DLG2: variants seen among roughly 807,000 people sequenced by gnomAD.
DLG2 encodes disks large homolog 2.
DLG2 carries 45 observed loss-of-function variants against 132.5 expected under a neutral mutation model. The ratio of observed to expected loss-of-function variants is 0.34; its 90% CI spans 0.27 to 0.44. The LOEUF is 0.44. Ranked by LOEUF, DLG2 falls within the 20% of genes least tolerant of loss-of-function variation. DLG2 has a pLI of 1.00. For missense variants in DLG2, 1,045 were observed against 1,196.9 expected (o/e 0.87, Z 1.87); for synonymous variants, 424 against 419.6 (o/e 1.01, Z -0.13).
chr11:83,856,903 C>T (rs978611617), intron 16 of DLG2, among the ~76,000 whole-genome samples: 1 of 152,038 alleles, frequency 6.6e-6, no homozygotes, highest in South Asian at 2.1e-4. Context: ...TTTGCCTGTG[C>T]CTATATTCTG....
At chr11:85,464,173 T>C (rs1203212520) in intron 3 of DLG2, among the ~76,000 whole-genome samples, 1 of 152,178 alleles carries the variant, frequency 6.6e-6, no homozygotes, top group South Asian at 2.1e-4. Flanking sequence ...TGGTGCAGAA[T>C]CTTGTACTTA....
At chr11:84,855,709 C>G (rs747139829) in intron 6 of DLG2, among the ~76,000 whole-genome samples, 4 of 152,010 alleles carry the variant, frequency 2.6e-5, no homozygotes, top group Non-Finnish European at 5.9e-5. Flanking sequence ...ATTACTGTAG[C>G]TTCATTAATA....
At chr11:84,267,783 C>T (rs2097662004) in intron 7 of DLG2, among the ~76,000 whole-genome samples, 3 of 152,268 alleles carry the variant, frequency 2.0e-5, no homozygotes, top group Non-Finnish European at 1.5e-5. Flanking sequence ...TACATTTCTG[C>T]ACAAACGTTC....
At chr11:83,721,125 GA>G (rs1196973718) in intron 18 of DLG2, 2 of 152,180 alleles carry the variant, frequency 1.3e-5, no homozygotes, top group South Asian at 4.2e-4. Flanking sequence ...AGCTATTTTG[GA>G]CATCTTATAC....
At chr11:85,063,853 G>A (rs763778591) in intron 6 of DLG2, among the ~76,000 whole-genome samples, 24 of 151,758 alleles carry the variant, frequency 1.6e-4, no homozygotes, top group Non-Finnish European at 2.9e-4. Flanking sequence ...ACAAAAATTT[G>A]ACATTTATTA....
chr11:84,793,274 T>A lies in DLG2; in HGVS notation c.358-258543A>T, dbSNP rs528848284. Among the ~76,000 whole-genome samples, 4 of 152,344 alleles carry A rather than the reference T, an allele frequency of 2.6e-5. No individual in the cohort carries two copies. The South Asian group carries it at 8.3e-4, about 32-fold the overall frequency. On this transcript the variant is annotated intron_variant, in intron 6 of 27. Transcript: ENST00000376104. ...TTTCATTGTAATCAGAGAAGATGAATACTATTATTTCAATTTTTTAAATGT... is the reference window on the plus strand; with the variant it reads ...TTTCATTGTAATCAGAGAAGATGAAAACTATTATTTCAATTTTTTAAATGT...
intron 1 of DLG2, among the ~76,000 whole-genome samples, chr11:85,627,000 G>T (rs1003641345): frequency 2.6e-4 from 39 of 152,106 alleles, no homozygotes; most frequent in African/African-American, 8.0e-4. Context: ...ACCAAATTTA[G>T]ACAGGTCTCA....
chr11:84,239,819 A>C (rs890396996), intron 8 of DLG2, among the ~76,000 whole-genome samples: 1 of 152,214 alleles, frequency 6.6e-6, no homozygotes, highest in African/African-American at 2.4e-5. Context: ...GAAATGATGA[A>C]AAACTATAAA....
chr11:85,570,265 A>C (rs2077771909), intron 3 of DLG2, among the ~76,000 whole-genome samples: 1 of 152,158 alleles, frequency 6.6e-6, no homozygotes, highest in African/African-American at 2.4e-5. Flanking sequence ...CAACATTTGG[A>C]AGATCTGAAA....
intron 25 of DLG2, among the ~76,000 whole-genome samples, chr11:83,468,017 T>TA (rs2091451556): frequency 6.6e-6 from 1 of 151,884 alleles, no homozygotes; most frequent in African/African-American, 2.4e-5. Context: ...AGCTGCTTTA[T>TA]AAAGCATTTC....
intron 3 of DLG2, among the ~76,000 whole-genome samples, chr11:85,593,728 G>A (rs531036204): frequency 7.1e-4 from 108 of 152,138 alleles, no homozygotes; most frequent in African/African-American, 2.3e-3. Context: ...CAAAATAGCC[G>A]TGATATATTC....
At chr11:83,865,689 T>C (rs1370605806) in intron 16 of DLG2, among the ~76,000 whole-genome samples, 1 of 151,906 alleles carries the variant, frequency 6.6e-6, no homozygotes, top group Non-Finnish European at 1.5e-5. Flanking sequence ...AACAAACACA[T>C]AAACATAAAA....
intron 6 of DLG2, among the ~76,000 whole-genome samples, chr11:84,588,480 C>A (rs2099535008): frequency 6.6e-6 from 1 of 152,066 alleles, no homozygotes; most frequent in South Asian, 2.1e-4. Flanking sequence ...TATGATTTAT[C>A]CCTTGTCTCT....
chr11:85,062,969 T>C (rs755918755), intron 6 of DLG2, among the ~76,000 whole-genome samples: 4 of 151,780 alleles, frequency 2.6e-5, no homozygotes, highest in Non-Finnish European at 5.9e-5. Context: ...CATCCTGAAA[T>C]GCATGTACAT....
chr11:85,032,861 A>G (rs565346433), intron 6 of DLG2, among the ~76,000 whole-genome samples: 1 of 152,318 alleles, frequency 6.6e-6, no homozygotes, highest in South Asian at 2.1e-4. Context: ...TCAGAGAGCA[A>G]TGGTAGAGAT....
chr11:85,387,815 G>A (rs2086470872), intron 3 of DLG2, among the ~76,000 whole-genome samples: 1 of 152,148 alleles, frequency 6.6e-6, no homozygotes, highest in Admixed American at 6.5e-5. Context: ...GGAAAAAATG[G>A]CAGACAGGAA....
intron 18 of DLG2, among the ~76,000 whole-genome samples, chr11:83,705,689 GA>G (rs1443982455): frequency 6.6e-6 from 1 of 151,920 alleles, no homozygotes; most frequent in Non-Finnish European, 1.5e-5. Flanking sequence ...AAATAAAGTA[GA>G]AACGTTTACA....
chr11:83,960,247 T>A (rs150801047), intron 14 of DLG2, among the ~76,000 whole-genome samples: 1 of 152,156 alleles, frequency 6.6e-6, no homozygotes, highest in African/African-American at 2.4e-5. Flanking sequence ...CCTATGGCAT[T>A]CATGTAATAC....
At chr11:83,584,665 A>G (rs2097050481) in intron 19 of DLG2, among the ~76,000 whole-genome samples, 2 of 152,228 alleles carry the variant, frequency 1.3e-5, no homozygotes, top group Non-Finnish European at 1.5e-5. Flanking sequence ...ATGAAACTCT[A>G]AAGATAGAGG....
Sources: allele counts gnomAD v4.1 joint callset (sites outside exome capture counted in the v4.1 genomes callset), GRCh38; gene constraint gnomAD v4.1.1; transcripts MANE v1.5; gene names NCBI Gene and HGNC (gene_info 2026-07-23, HGNC 2026-07-21).